The following UGCG variants were observed in gnomAD, a reference collection of about 807,000 sequenced individuals.
UGCG encodes the protein ceramide glucosyltransferase.
UGCG carries 10 observed loss-of-function variants against 49.5 expected under a neutral mutation model. The observed-to-expected ratio is 0.20, with a 90% CI of 0.12 to 0.34. The LOEUF is 0.34. Among genes scored for constraint, UGCG ranks in the 10% least tolerant of loss-of-function variants. UGCG has a pLI of 1.00. For missense variants in UGCG, 312 were observed against 483.7 expected (o/e 0.65, Z 3.33); for synonymous variants, 182 against 158.2 (o/e 1.15, Z -1.13).
At chr9:111,916,344 C>G (rs1233305390) in intron 2 of UGCG, among the ~76,000 whole-genome samples, 1 of 152,144 alleles carries the variant, frequency 6.6e-6, no homozygotes, top group African/African-American at 2.4e-5. Flanking sequence ...TTCACTTTCC[C>G]CATTCAACCA....
intron 1 of UGCG, 86 bp downstream of exon 1, chr9:111,897,399 G>A: frequency 3.6e-6 from 4 of 1,104,510 alleles, no homozygotes; most frequent in Non-Finnish European, 5.2e-6. Context: ...CGCTTTGAAG[G>A]GGACTGGGCT....
chr9:111,929,535 C>T lies in UGCG; in HGVS notation c.594C>T (p.Ile198=), dbSNP rs771043419. Reference sequence around the variant, plus strand: ...GAACTTCACATCCAAGATACTATATCTCTGCCAATGTAACTGGTTTCAAAT... The same window carrying T: ...GAACTTCACATCCAAGATACTATATTTCTGCCAATGTAACTGGTTTCAAAT... ...YFGTSHPRYY[I]SANVTGFKCV... The change falls in exon 6 of 9, where the codon ATC becomes ATT. Residue 198 remains isoleucine, a synonymous_variant. Transcript: ENST00000374279. The T allele has an allele frequency of 6.2e-7, 1 of 1,613,820 alleles. No homozygotes were observed. The highest frequency in any genetic ancestry group is 8.5e-7 in the Non-Finnish European group (1 of 1,179,936).
intron 2 of UGCG, among the ~76,000 whole-genome samples, chr9:111,918,274 T>G (rs1838147575): frequency 6.6e-6 from 1 of 152,180 alleles, no homozygotes. Flanking sequence ...ACTCCTGACC[T>G]CAGTTGATTC....
At chr9:111,921,740 A>AT (rs202091494) in intron 2 of UGCG, among the ~76,000 whole-genome samples, 3,543 of 149,196 alleles carry the variant, frequency 0.024, 82 homozygotes, top group South Asian at 0.049. Flanking sequence ...CACCCCAGAG[A>AT]TTCTGACTCA....
intron 2 of UGCG, among the ~76,000 whole-genome samples, chr9:111,922,559 TG>T (rs1838246089): frequency 6.6e-6 from 1 of 152,184 alleles, no homozygotes; most frequent in Admixed American, 6.5e-5. Flanking sequence ...ATCCAGTTAA[TG>T]GAGATTAACT....
intron 1 of UGCG, among the ~76,000 whole-genome samples, chr9:111,905,442 C>T (rs925383100): frequency 2.0e-5 from 3 of 151,428 alleles, no homozygotes; most frequent in East Asian, 1.9e-4. Flanking sequence ...CACTTTTAGT[C>T]TCCTTCATGC....
chr9:111,905,471 T>TTG (rs1837863822), intron 1 of UGCG, among the ~76,000 whole-genome samples: 1 of 151,648 alleles, frequency 6.6e-6, no homozygotes, highest in Admixed American at 6.6e-5. Flanking sequence ...TTTTTTTTTT[T>TTG]TGAGAGGGAG....
At position 111,935,165 on chromosome 9, in the gene UGCG, T is replaced by C. The variant is rs1359545568; in HGVS notation, c.*2168T>C. On this transcript the variant is annotated 3_prime_UTR_variant, in exon 9 of 9. Coordinates refer to ENST00000374279, the MANE Select transcript of UGCG (RefSeq NM_003358.3). ...TGTAAAACTTCACTTAACAGAGAGA[T>C]TCTTTGTTTAGCAAGCTTGGAGTGA... is the stretch of plus-strand genomic sequence containing the variant. 6.6e-6 allele frequency: 1 copy of C among 152,170 alleles called. No homozygotes were observed. Among genetic ancestry groups the C allele is most frequent in the East Asian group, 1.9e-4 (1 of 5,194 alleles). 9.4% of individuals were successfully genotyped at this position (152,170 alleles called of 1,614,324 possible). A position where few individuals can be genotyped will look rare whatever the true frequency, so the allele number is the denominator to read the frequency against.
intron 1 of UGCG, among the ~76,000 whole-genome samples, chr9:111,911,175 A>G (rs190508290): frequency 6.6e-6 from 1 of 152,284 alleles, no homozygotes; most frequent in East Asian, 1.9e-4. Flanking sequence ...CAAGGCTCTC[A>G]GAACAGTTGT....
At position 111,912,029 on chromosome 9, in the gene UGCG, GATATAT is replaced by G. The variant is rs60468274; in HGVS notation, c.99-2557_99-2552del. On this transcript the variant is annotated intron_variant, in intron 1 of 8. Coordinates refer to ENST00000374279, the MANE Select transcript of UGCG (RefSeq NM_003358.3). Reference sequence around the variant, plus strand: ...CAGGATACATATATATATTCAACAGGATATATATATATATATATATATATCCTGTTG... The same window carrying G: ...CAGGATACATATATATATTCAACAGGATATATATATATATATATCCTGTTG... 2.3e-4 allele frequency among the ~76,000 whole-genome samples: 15 copies of G among 64,590 alleles called. 1 individual carries two copies. Among genetic ancestry groups the G allele is most frequent in the African/African-American group, 8.9e-4 (11 of 12,388 alleles). The allele number at this position is 64,590 out of a possible 152,430, so 42.4% of individuals were successfully genotyped here. A position where few individuals can be genotyped will look rare whatever the true frequency, so the allele number is the denominator to read the frequency against.
chr9:111,917,860 A>G (rs1054713741), intron 2 of UGCG, among the ~76,000 whole-genome samples: 1 of 152,226 alleles, frequency 6.6e-6, no homozygotes, highest in East Asian at 1.9e-4. Context: ...CCAGCGTAGA[A>G]GGGATTTGGG....
chr9:111,927,537 C>T (rs531438828), intron 5 of UGCG, among the ~76,000 whole-genome samples: 2,781 of 151,850 alleles, frequency 0.018, 35 homozygotes, highest in Non-Finnish European at 0.029. Flanking sequence ...CTGCAAGCTC[C>T]GCCTCCCGGG....
chr9:111,928,913 A>G (rs558143420), intron 5 of UGCG, among the ~76,000 whole-genome samples: 3 of 152,314 alleles, frequency 2.0e-5, no homozygotes, highest in South Asian at 4.1e-4. Context: ...AGAGAATTTT[A>G]GTATCCCCGT....
chr9:111,911,570 A>G (rs1837995281), intron 1 of UGCG, among the ~76,000 whole-genome samples: 1 of 151,966 alleles, frequency 6.6e-6, no homozygotes, highest in Admixed American at 6.6e-5. Context: ...AGACCCTCTT[A>G]ATATTTTTAG....
intron 5 of UGCG, among the ~76,000 whole-genome samples, chr9:111,927,348 A>G (rs925606716): frequency 6.6e-6 from 1 of 152,190 alleles, no homozygotes; most frequent in Admixed American, 6.5e-5. Context: ...AGTAACATCC[A>G]TAGGAAACTA....
At chr9:111,903,745 G>GC in intron 1 of UGCG, among the ~76,000 whole-genome samples, 1 of 150,372 alleles carries the variant, frequency 6.7e-6, no homozygotes, top group Admixed American at 6.7e-5. Flanking sequence ...ACAGGCACAT[G>GC]CCACCACGCC....
At chr9:111,904,626 C>T (rs980361127) in intron 1 of UGCG, among the ~76,000 whole-genome samples, 7 of 152,024 alleles carry the variant, frequency 4.6e-5, no homozygotes, top group African/African-American at 4.8e-5. Context: ...TTTGGGAGGC[C>T]GAGGCAGGTG....
chr9:111,928,151 G>T (rs1838358164), intron 5 of UGCG, among the ~76,000 whole-genome samples: 1 of 152,128 alleles, frequency 6.6e-6, no homozygotes, highest in Admixed American at 6.5e-5. Context: ...ATCTGAAGGG[G>T]TAAAGGTACA....
At chr9:111,932,073 T>TC in intron 7 of UGCG, 97 bp from the exon 8 acceptor site, 1 of 1,285,084 alleles carries the variant, frequency 7.8e-7, no homozygotes, top group Non-Finnish European at 1.1e-6. Flanking sequence ...GGTCTTTCTA[T>TC]CACAGGGTAA....
Sources: gnomAD v4.1 joint callset for allele counts (sites outside exome capture counted in the v4.1 genomes callset) on GRCh38, gnomAD v4.1.1 for gene constraint, MANE v1.5 for transcripts, NCBI Gene and HGNC (gene_info 2026-07-23, HGNC 2026-07-21) for gene names.